CNTLN: variants seen among roughly 807,000 people sequenced by gnomAD.
CNTLN encodes the protein centlein, centrosomal protein.
A neutral mutation model predicts 180.0 loss-of-function variants in CNTLN; 212 were observed. The ratio of observed to expected loss-of-function variants is 1.18; its 90% CI spans 1.05 to 1.32. The LOEUF (loss-of-function observed/expected upper bound fraction) is 1.32. CNTLN is among the 40% of genes most tolerant of loss of function. The pLI, the probability that CNTLN is intolerant of heterozygous loss-of-function variation, is 0.00. For missense variants in CNTLN, 2,095 were observed against 1,610.9 expected (o/e 1.30, Z -5.14); for synonymous variants, 722 against 563.1 (o/e 1.28, Z -3.99).
In CNTLN at chr9:17,178,972, C is replaced by T. The variant is rs1284891842; in HGVS notation, c.449+35596C>T. On this transcript the variant is annotated intron_variant, in intron 2 of 25. Transcript: ENST00000380647. ...AGAAGTGTAGATTATTGGCCGGGCG[C>T]GGTGGCTCACGCCTGTAATCCCAGC... Among the ~76,000 whole-genome samples the T allele has an allele frequency of 4.8e-5, 7 of 146,160 alleles. No individual in the cohort carries two copies. The South Asian group carries it at 8.4e-4, about 17-fold the overall frequency.
chr9:17,198,445 C>T (rs575985504), intron 2 of CNTLN, among the ~76,000 whole-genome samples: 229 of 91,670 alleles, frequency 2.5e-3, no homozygotes, highest in African/African-American at 9.3e-3. Flanking sequence ...CTATAGTTTT[C>T]ATTGTAGAGA....
chr9:17,261,856 T>C (rs564815384), intron 5 of CNTLN, among the ~76,000 whole-genome samples: 2 of 151,704 alleles, frequency 1.3e-5, no homozygotes, highest in African/African-American at 4.9e-5. Flanking sequence ...ATCCAGAATC[T>C]ACAAGGAACT....
intron 15 of CNTLN, among the ~76,000 whole-genome samples, chr9:17,396,453 A>G (rs909807529): frequency 6.6e-6 from 1 of 152,110 alleles, no homozygotes; most frequent in Non-Finnish European, 1.5e-5. Flanking sequence ...AAATTGCCCA[A>G]TTTGCCATAA....
intron 2 of CNTLN, among the ~76,000 whole-genome samples, chr9:17,163,158 A>G (rs1469148897): frequency 6.6e-6 from 1 of 152,140 alleles, no homozygotes; most frequent in Non-Finnish European, 1.5e-5. Context: ...CTTGTTCACT[A>G]TCATAAGAAT....
At chr9:17,492,081 C>G (rs1197091672) in intron 25 of CNTLN, among the ~76,000 whole-genome samples, 1 of 152,056 alleles carries the variant, frequency 6.6e-6, no homozygotes, top group Non-Finnish European at 1.5e-5. Flanking sequence ...AGAATTAATC[C>G]TCACATTTAG....
chr9:17,293,538 A>G (rs933796512), intron 6 of CNTLN, among the ~76,000 whole-genome samples: 2 of 152,164 alleles, frequency 1.3e-5, no homozygotes, highest in African/African-American at 4.8e-5. Context: ...CCGCCTGAAG[A>G]GGCAGTCTGG....
rs572581438 is a variant in CNTLN, at chr9:17,280,731, ATC to A, written c.983+6871_983+6872del. On this transcript the variant is annotated intron_variant, in intron 6 of 25. Transcript: ENST00000380647. The stretch of plus-strand genomic sequence containing the variant: ...GCCATCAGATGGAAGAAGATAATTT[ATC>A]TCTCTGGTTTCCTTTTGTGTTTTGT... 2.1e-3 allele frequency among the ~76,000 whole-genome samples: 313 copies of A among 152,304 alleles called. 1 individual carries two copies. Among genetic ancestry groups the A allele is most frequent in the African/African-American group, 7.2e-3 (300 of 41,566 alleles).
At chr9:17,285,057 GGTTA>G (rs1344375996) in intron 6 of CNTLN, among the ~76,000 whole-genome samples, 1 of 150,608 alleles carries the variant, frequency 6.6e-6, no homozygotes, top group Non-Finnish European at 1.5e-5. Flanking sequence ...ACATTGTGCA[GGTTA>G]GTTACATATG....
intron 8 of CNTLN, among the ~76,000 whole-genome samples, chr9:17,324,733 T>TA: frequency 6.6e-6 from 1 of 152,240 alleles, no homozygotes; most frequent in Non-Finnish European, 1.5e-5. Flanking sequence ...TGGAAGAAGT[T>TA]AAAGTTTTGG....
the CNTLN span, among the ~76,000 whole-genome samples, chr9:17,516,727 G>T: frequency 6.6e-6 from 1 of 152,098 alleles, no homozygotes; most frequent in African/African-American, 2.4e-5. Context: ...TCACATAGAC[G>T]GGTGGAAGGT....
chr9:17,241,626 T>C (rs1191432885), intron 5 of CNTLN, among the ~76,000 whole-genome samples: 2 of 142,644 alleles, frequency 1.4e-5, no homozygotes, highest in African/African-American at 5.7e-5. Flanking sequence ...GCATAGAATC[T>C]GTAATGGCTT....
At chr9:17,244,075 T>A (rs1177014687) in intron 5 of CNTLN, among the ~76,000 whole-genome samples, 1 of 152,210 alleles carries the variant, frequency 6.6e-6, no homozygotes, top group African/African-American at 2.4e-5. Flanking sequence ...TATTTCTTTT[T>A]ATAGTTGTTG....
chr9:17,259,750 A>G (rs1379450277), intron 5 of CNTLN, among the ~76,000 whole-genome samples: 2 of 149,826 alleles, frequency 1.3e-5, no homozygotes. Flanking sequence ...TAGATTTTCT[A>G]GTTTATTTGC....
intron 2 of CNTLN, among the ~76,000 whole-genome samples, chr9:17,157,624 C>T (rs1324871951): frequency 2.6e-5 from 4 of 152,118 alleles, no homozygotes; most frequent in African/African-American, 7.2e-5. Flanking sequence ...GCAGACTGCC[C>T]TCTCCAATGT....
chr9:17,447,271 G>A (rs372183388), intron 18 of CNTLN: 12 of 208,360 alleles, frequency 5.8e-5, no homozygotes, highest in African/African-American at 2.5e-4. Flanking sequence ...AGACAATCCT[G>A]GTGCCATAAA....
intron 2 of CNTLN, among the ~76,000 whole-genome samples, chr9:17,187,993 T>C (rs1707615307): frequency 7.2e-6 from 1 of 139,236 alleles, no homozygotes; most frequent in South Asian, 2.3e-4. Context: ...TAATTATATA[T>C]ACACTATATA....
chr9:17,454,791 G>A (rs1831013833), intron 18 of CNTLN, among the ~76,000 whole-genome samples: 1 of 152,156 alleles, frequency 6.6e-6, no homozygotes, highest in Non-Finnish European at 1.5e-5. Context: ...TCACTCAGCT[G>A]GTAAGCAGTA....
chr9:17,462,075 T>C (rs532383564), intron 19 of CNTLN, among the ~76,000 whole-genome samples: 1 of 151,964 alleles, frequency 6.6e-6, no homozygotes, highest in East Asian at 1.9e-4. Context: ...TGAGGTTTTC[T>C]ATCAGTTACC....
chr9:17,359,725 C>CAAAAAAAAAAAAAAAAAACCAAAAAA lies in CNTLN; in HGVS notation c.1887-6874_1887-6873insCCAAAAAAAAAAAAAAAAAAAAAAAA, dbSNP rs1344925686. Among the ~76,000 whole-genome samples, 6 of 21,334 alleles carry CAAAAAAAAAAAAAAAAAACCAAAAAA rather than the reference C, an allele frequency of 2.8e-4. 1 individual carries two copies. The highest frequency in any genetic ancestry group is 6.0e-4 in the Non-Finnish European group (6 of 10,078). The allele number at this position is 21,334 out of a possible 152,430, so 14.0% of individuals were successfully genotyped here. A position where few individuals can be genotyped will look rare whatever the true frequency, so the allele number is the denominator to read the frequency against. ...TGAAACTCCGTCTATACTAAAAATA[C>CAAAAAAAAAAAAAAAAAACCAAAAAA]AAAAAAAAAAAAAAAAAAAAAAAAA... On this transcript the variant is annotated intron_variant, in intron 12 of 25. Coordinates refer to ENST00000380647, the MANE Select transcript of CNTLN (RefSeq NM_017738.4).
Sources: gnomAD v4.1 joint callset for allele counts (sites outside exome capture counted in the v4.1 genomes callset) on GRCh38, gnomAD v4.1.1 for gene constraint, MANE v1.5 for transcripts, NCBI Gene and HGNC (gene_info 2026-07-23, HGNC 2026-07-21) for gene names.